ANKRD2: variants seen among roughly 807,000 people sequenced by gnomAD.
ANKRD2 encodes the protein ankyrin repeat domain-containing protein 2.
In ANKRD2, 35 loss-of-function variants were observed where a neutral mutation model predicts 37.3. That is an observed-to-expected ratio of 0.94 (90% CI 0.72 to 1.24). The LOEUF is 1.24. Ranked by LOEUF, ANKRD2 falls within the 50% of genes most tolerant of loss-of-function variation. The pLI is 0.00. For synonymous variants in ANKRD2, 159 were observed against 186.5 expected (o/e 0.85, Z 1.20); for missense variants, 410 against 445.6 (o/e 0.92, Z 0.72).
At chr10:97,582,727 A>C in intron 8 of ANKRD2, 25 bp downstream of exon 8, 1 of 1,608,890 alleles carries the variant, frequency 6.2e-7, no homozygotes, top group Non-Finnish European at 8.5e-7. Context: ...TCCTTGATTC[A>C]GTCACTGGCG....
rs751301897 is a variant in ANKRD2, at chr10:97,578,382, C to T, written c.332C>T (p.Pro111Leu). The T allele has an allele frequency of 5.0e-6, 8 of 1,613,682 alleles. No homozygotes were observed. In the Admixed American group the frequency reaches 1.2e-4, roughly 24 times the overall value. Residue 111 changes from proline (P) to leucine (L), a missense_variant, in exon 3 of 9, where the codon CCA becomes CTA. Transcript: ENST00000370655. ...DALAASHEPPPEPEEITGPVD... is the reference protein window; with the variant it reads ...DALAASHEPPLEPEEITGPVD... ...CTGGCCGCCTCGCATGAGCCGCCCC[C>T]AGAGCCCGAGGAGATCGTAAGGGTC... is the stretch of plus-strand genomic sequence containing the variant.
intron 4 of ANKRD2, among the ~76,000 whole-genome samples, chr10:97,579,651 G>A (rs570201921): frequency 4.6e-5 from 7 of 151,378 alleles, no homozygotes; most frequent in African/African-American, 9.7e-5. Context: ...GCAGCGGTGC[G>A]ATCTCAGCTC....
upstream of ANKRD2, chr10:97,572,757 C>G: frequency 6.2e-7 from 1 of 1,602,918 alleles, no homozygotes; most frequent in Non-Finnish European, 8.5e-7. Flanking sequence ...GCCTATAAAG[C>G]CCCCGAGGCC....
chr10:97,574,083 C>G (rs7342022), intron 1 of ANKRD2, among the ~76,000 whole-genome samples: 1 of 151,778 alleles, frequency 6.6e-6, no homozygotes, highest in African/African-American at 2.4e-5. Context: ...GTCAAGAGTT[C>G]GAGACTCACC....
rs1382361434 is a variant in ANKRD2 at position 97,582,363 on chromosome 10, AT to A, written c.705del (p.Ile235MetfsTer27). Reference sequence around the variant, plus strand: ...GGCAGTCCGGACAGGGCAGGTGGAGATTGTGGAGCACTTTCTATCCCTGGGC... The same window carrying A: ...GGCAGTCCGGACAGGGCAGGTGGAGATGTGGAGCACTTTCTATCCCTGGGC... ...HVAVRTGQVE[I>X]VEHFLSLGLE... On this transcript the variant is annotated frameshift_variant, in exon 7 of 9. Coordinates refer to ENST00000370655, the MANE Select transcript of ANKRD2 (RefSeq NM_001346793.2). LOFTEE classifies it high-confidence loss of function. 1 of 1,562,064 alleles carries A rather than the reference AT, an allele frequency of 6.4e-7. No homozygotes were observed. The highest frequency in any genetic ancestry group is 1.2e-5 in the South Asian group (1 of 85,164).
At chr10:97,578,008 C>G in intron 2 of ANKRD2, 107 bp downstream of exon 2, 1 of 1,176,000 alleles carries the variant, frequency 8.5e-7, no homozygotes, top group Middle Eastern at 2.9e-4. Flanking sequence ...TCAGCACCCC[C>G]GGTAGAGCTT....
chr10:97,576,949 C>T (rs901271327), intron 1 of ANKRD2, among the ~76,000 whole-genome samples: 3 of 151,852 alleles, frequency 2.0e-5, no homozygotes, highest in Non-Finnish European at 2.9e-5. Flanking sequence ...CCACCTGCCT[C>T]GGCCTCCCAA....
intron 6 of ANKRD2, 131 bp from the exon 7 acceptor site, chr10:97,582,184 C>A: frequency 1.4e-6 from 1 of 695,968 alleles, no homozygotes; most frequent in Non-Finnish European, 2.5e-6. Flanking sequence ...ATTCTCTGCC[C>A]CTCCAAGGCT....
At chr10:97,577,080 T>C (rs1445134540) in intron 1 of ANKRD2, among the ~76,000 whole-genome samples, 1 of 152,038 alleles carries the variant, frequency 6.6e-6, no homozygotes, top group Non-Finnish European at 1.5e-5. Flanking sequence ...CTTGGCTCAC[T>C]GCAACCTCCC....
intron 6 of ANKRD2, 69 bp downstream of exon 6, chr10:97,581,483 G>T: frequency 6.6e-7 from 1 of 1,508,136 alleles, no homozygotes; most frequent in Non-Finnish European, 9.2e-7. Context: ...GGGTCCAAGG[G>T]CAGGAAAGCC....
chr10:97,582,708 C>T lies in ANKRD2; in HGVS notation c.852+6C>T. 6.2e-7 allele frequency: 1 copy of T among 1,613,718 alleles called. No individual in the cohort carries two copies. The highest frequency in any genetic ancestry group is 1.1e-5 in the South Asian group (1 of 91,076). On this transcript the variant is annotated splice_donor_region_variant and intron_variant, in intron 8 of 8. Transcript: ENST00000370655. ...ACATGATGACCAAGAACCTGGTAAG[C>T]TCATTCCCTCCTTGATTCAGTCACT... is the stretch of plus-strand genomic sequence containing the variant.
chr10:97,581,374 T>A lies in ANKRD2; in HGVS notation c.614T>A (p.Leu205His). 6.2e-7 allele frequency: 1 copy of A among 1,614,182 alleles called. No homozygotes were observed. Among genetic ancestry groups the A allele is most frequent in the Non-Finnish European group, 8.5e-7 (1 of 1,180,002 alleles). The change falls in exon 6 of 9, where the codon CTT becomes CAT. Residue 205 changes from leucine to histidine, a missense_variant. By Grantham distance (99) the Leu-to-His change is moderately conservative. Transcript: ENST00000370655. Reference sequence around the variant, plus strand: ...GGGGGCCACTTAGAGGTGGTGAAACTTCTGCAAAGCCATGGAGCAGACACC... The same window carrying A: ...GGGGGCCACTTAGAGGTGGTGAAACATCTGCAAAGCCATGGAGCAGACACC... ...CRGGHLEVVKLLQSHGADTNV... is the reference protein window; with the variant it reads ...CRGGHLEVVKHLQSHGADTNV...
chr10:97,583,564 C>T lies in ANKRD2; in HGVS notation c.853-12C>T, dbSNP rs755290843. On this transcript the variant is annotated splice_polypyrimidine_tract_variant and intron_variant, in intron 8 of 8. Transcript: ENST00000370655. ...TCTTGCCAACCCCCACGCCCCGTCC[C>T]GCCCCCTCCAGGCAGGAAAGACCCC... 22 of 1,591,338 alleles carry T rather than the reference C, an allele frequency of 1.4e-5. No individual in the cohort carries two copies. The highest frequency in any genetic ancestry group is 1.7e-4 in the Middle Eastern group (1 of 6,028).
At chr10:97,576,509 A>C (rs1054790767) in intron 1 of ANKRD2, among the ~76,000 whole-genome samples, 1 of 152,170 alleles carries the variant, frequency 6.6e-6, no homozygotes, top group African/African-American at 2.4e-5. Flanking sequence ...ATAGTTTCCA[A>C]GCTCTAGACT....
At chr10:97,580,816 G>C (rs755371373) in intron 4 of ANKRD2, 39 bp from the exon 5 acceptor site, 3 of 1,533,902 alleles carry the variant, frequency 2.0e-6, no homozygotes, top group Middle Eastern at 1.7e-4. Flanking sequence ...CTCAGGCCTG[G>C]AGCCAGAGGC....
At chr10:97,573,013 TGTCCCA>T in intron 1 of ANKRD2, 138 bp downstream of exon 1, 1 of 1,154,626 alleles carries the variant, frequency 8.7e-7, no homozygotes, top group Non-Finnish European at 1.2e-6. Flanking sequence ...GCCTCATTCC[TGTCCCA>T]GGGTATTACT....
chr10:97,572,696 G>A, upstream of ANKRD2: 2 of 1,598,388 alleles, frequency 1.3e-6, no homozygotes, highest in Non-Finnish European at 1.7e-6. Flanking sequence ...GGAGAATTGG[G>A]CCAGTGAGCT....
At chr10:97,579,046 G>A (rs2040864616) in intron 4 of ANKRD2, among the ~76,000 whole-genome samples, 2 of 152,068 alleles carry the variant, frequency 1.3e-5, no homozygotes, top group Admixed American at 1.3e-4. Context: ...GCTGGGCACT[G>A]TGGCTCACGT....
intron 4 of ANKRD2, among the ~76,000 whole-genome samples, chr10:97,579,979 C>T (rs1371252140): frequency 6.6e-5 from 10 of 152,270 alleles, no homozygotes; most frequent in Admixed American, 3.3e-4. Context: ...TCACACTTCC[C>T]GGGGTGCTTT....
Sources: allele counts gnomAD v4.1 joint callset (sites outside exome capture counted in the v4.1 genomes callset), GRCh38; gene constraint gnomAD v4.1.1; transcripts MANE v1.5; gene names NCBI Gene and HGNC (gene_info 2026-07-23, HGNC 2026-07-21).